NOL9: variants seen among roughly 807,000 people sequenced by gnomAD.
NOL9 encodes the protein polynucleotide 5'-hydroxyl-kinase NOL9.
A neutral mutation model predicts 67.9 loss-of-function variants in NOL9; 28 were observed. That is an observed-to-expected ratio of 0.41 (90% CI 0.31 to 0.57). NOL9 has a LOEUF of 0.57. Among genes scored for constraint, NOL9 ranks in the 20% least tolerant of loss-of-function variants. The probability of loss-of-function intolerance (pLI) is 0.25; values close to 1 mark genes in which losing one functional copy is unlikely to be tolerated. For missense variants in NOL9, 777 were observed against 897.0 expected (o/e 0.87, Z 1.71); for synonymous variants, 356 against 352.2 (o/e 1.01, Z -0.12).
rs143786113 is a variant in NOL9, at chr1:6,531,932, A to G, written c.1647+36T>C. On this transcript the variant is annotated intron_variant, in intron 9 of 11. Coordinates refer to ENST00000377705, the MANE Select transcript of NOL9 (RefSeq NM_024654.5). ...ACAGAAAACCACACAAGTGTGTAAC[A>G]AAATGAAGACAATTTCTCCTGTAAG... 8.7e-3 allele frequency: 13,447 copies of G among 1,546,542 alleles called. 86 individuals are homozygous for G. The highest frequency in any genetic ancestry group is 0.011 in the Non-Finnish European group (12,182 of 1,118,488).
At chr1:6,549,464 C>A in intron 3 of NOL9, 107 bp downstream of exon 3, 1 of 1,250,694 alleles carries the variant, frequency 8.0e-7, no homozygotes, top group South Asian at 1.4e-5. Flanking sequence ...GGACTGAGAG[C>A]ACTAGATAGA....
chr1:6,544,596 G>A (rs1398811499), intron 5 of NOL9, among the ~76,000 whole-genome samples: 1 of 119,608 alleles, frequency 8.4e-6, no homozygotes, highest in African/African-American at 3.3e-5. Flanking sequence ...CTGAGACCAA[G>A]TGTCTCCTCT....
chr1:6,544,226 CA>C (rs1384743860), intron 5 of NOL9, among the ~76,000 whole-genome samples: 1 of 151,698 alleles, frequency 6.6e-6, no homozygotes, highest in African/African-American at 2.4e-5. Context: ...AAGGCTGCAG[CA>C]AGCCCTGTTT....
intron 1 of NOL9, among the ~76,000 whole-genome samples, chr1:6,553,074 A>G (rs1295423445): frequency 6.6e-6 from 1 of 152,208 alleles, no homozygotes; most frequent in Non-Finnish European, 1.5e-5. Context: ...GGCTTCCCAA[A>G]GTGCCGGGAC....
At chr1:6,534,500 C>T (rs954836332) in intron 6 of NOL9, among the ~76,000 whole-genome samples, 9 of 152,084 alleles carry the variant, frequency 5.9e-5, no homozygotes, top group Non-Finnish European at 1.0e-4. Context: ...GCCACTCAAC[C>T]GTCAGAGTGG....
At chr1:6,549,417 C>G (rs1639492171) in intron 3 of NOL9, 154 bp downstream of exon 3, 3 of 796,290 alleles carry the variant, frequency 3.8e-6, no homozygotes, top group Non-Finnish European at 3.8e-6. Flanking sequence ...ATACACCTTT[C>G]TATAATAGTT....
rs956303154 is a variant in NOL9, at chr1:6,526,139, T to A, written c.1960-136A>T. 1.6e-5 allele frequency: 12 copies of A among 739,832 alleles called. No individual in the cohort carries two copies. The Admixed American group carries it at 2.0e-4, about 13-fold the overall frequency. 45.8% of individuals were successfully genotyped at this position (739,832 alleles called of 1,614,324 possible). ...GACTTCTCACTTTTAAGGCATTTGATCCCTTCCTTCAGAGCCCCCTTTAAT... is the reference window on the plus strand; with the variant it reads ...GACTTCTCACTTTTAAGGCATTTGAACCCTTCCTTCAGAGCCCCCTTTAAT... On this transcript the variant is annotated intron_variant, in intron 11 of 11. Transcript: ENST00000377705.
chr1:6,534,543 G>A lies in NOL9; in HGVS notation c.1076-1102C>T, dbSNP rs150010408. On this transcript the variant is annotated intron_variant, in intron 6 of 11. Transcript: ENST00000377705. ...GATGGGAGCTGCGAATTCAGCCAGCGAGGCTCCTTTCAAGGTTGGGGCCAG... is the reference window on the plus strand; with the variant it reads ...GATGGGAGCTGCGAATTCAGCCAGCAAGGCTCCTTTCAAGGTTGGGGCCAG... 1.6e-3 allele frequency among the ~76,000 whole-genome samples: 249 copies of A among 152,282 alleles called. 2 individuals carry two copies. The highest frequency in any genetic ancestry group is 0.014 in the Middle Eastern group (4 of 292).
rs991837638 is a variant in NOL9, at chr1:6,521,858, T to A, written c.*3996A>T. On this transcript the variant is annotated 3_prime_UTR_variant, in exon 12 of 12. Transcript: ENST00000377705. ...GACTGTGCTACATCTCTTATAGACA[T>A]GACTTCACTTACTCCTCACCCAGGA... 2 of 152,192 alleles carry A rather than the reference T, an allele frequency of 1.3e-5. No homozygotes were observed. Among genetic ancestry groups the A allele is most frequent in the Non-Finnish European group, 2.9e-5 (2 of 68,050 alleles). The allele number at this position is 152,192 out of a possible 1,614,324, so 9.4% of individuals were successfully genotyped here.
intron 6 of NOL9, among the ~76,000 whole-genome samples, chr1:6,540,592 G>A (rs1445793731): frequency 6.6e-6 from 1 of 152,186 alleles, no homozygotes; most frequent in African/African-American, 2.4e-5. Flanking sequence ...TTGGGAGTCA[G>A]AGGTGAGTAG....
At chr1:6,543,045 C>T (rs1337861926) in intron 5 of NOL9, among the ~76,000 whole-genome samples, 1 of 152,012 alleles carries the variant, frequency 6.6e-6, no homozygotes, top group Admixed American at 6.6e-5. Context: ...AGGCACATGC[C>T]ACCATGCCTG....
rs1287698159 is a variant in NOL9, at chr1:6,541,010, C to CTTTTTTTTTTTTTTTTTTTTTTTTTTTT, written c.1075+819_1075+820insAAAAAAAAAAAAAAAAAAAAAAAAAAAA. On this transcript the variant is annotated intron_variant, in intron 6 of 11. Transcript: ENST00000377705. The stretch of plus-strand genomic sequence containing the variant: ...ATAAAATCTGTAGACTGGTTAACAG[C>CTTTTTTTTTTTTTTTTTTTTTTTTTTTT]GTTTTTTTTTTTTTTTTTTTTTTTG... 4 of 123,092 alleles carry CTTTTTTTTTTTTTTTTTTTTTTTTTTTT rather than the reference C, an allele frequency of 3.2e-5. 2 individuals are homozygous for CTTTTTTTTTTTTTTTTTTTTTTTTTTTT. Among genetic ancestry groups the CTTTTTTTTTTTTTTTTTTTTTTTTTTTT allele is most frequent in the African/African-American group, 6.1e-5 (2 of 32,590 alleles). 7.6% of individuals were successfully genotyped at this position (123,092 alleles called of 1,614,324 possible).
chr1:6,536,377 TAA>T (rs1458255636), intron 6 of NOL9, among the ~76,000 whole-genome samples: 1 of 150,882 alleles, frequency 6.6e-6, no homozygotes, highest in Non-Finnish European at 1.5e-5. Context: ...AATAAAAAAA[TAA>T]AAGTTAGACA....
chr1:6,528,949 A>G lies in NOL9; in HGVS notation c.1825+45T>C. On this transcript the variant is annotated intron_variant, in intron 10 of 11. Coordinates refer to ENST00000377705, the MANE Select transcript of NOL9 (RefSeq NM_024654.5). The stretch of plus-strand genomic sequence containing the variant: ...CAGTCATCTACAGTTGAAGCAGTGG[A>G]TCCTTTTCAGTAGGTTTATGGATAT... 2.5e-6 allele frequency: 4 copies of G among 1,586,380 alleles called. No homozygotes were observed. In the South Asian group the frequency reaches 4.5e-5, roughly 18 times the overall value.
In NOL9 at chr1:6,554,319, A is replaced by G. The variant is rs756822542; in HGVS notation, c.184T>C (p.Trp62Arg). The G allele has an allele frequency of 2.0e-6, 3 of 1,473,686 alleles. No individual in the cohort carries two copies. Among genetic ancestry groups the G allele is most frequent in the South Asian group, 2.7e-5 (2 of 74,062 alleles). 91.3% of individuals were successfully genotyped at this position (1,473,686 alleles called of 1,614,324 possible). ...GACACCTGGCGGGCTCCCTCCCTCC[A>G]GTCCACGCCGGACGCCTGGGCTTGC... The part of the protein sequence containing the change: ...LLQAQASGVD[W>R]REGARQVSRA... The change falls in exon 1 of 12, where the codon TGG becomes CGG. Residue 62 changes from tryptophan (W) to arginine (R), a missense_variant. Transcript: ENST00000377705.
At chr1:6,553,823 C>T (rs1410841477) in intron 1 of NOL9, among the ~76,000 whole-genome samples, 1 of 148,744 alleles carries the variant, frequency 6.7e-6, no homozygotes, top group African/African-American at 2.5e-5. Context: ...GCCTGGGGGA[C>T]AGAGTGAGAC....
At chr1:6,552,427 G>A (rs1037042495) in intron 1 of NOL9, among the ~76,000 whole-genome samples, 3 of 152,058 alleles carry the variant, frequency 2.0e-5, no homozygotes, top group East Asian at 3.9e-4. Context: ...TTTTATGGCT[G>A]CAGCCTTTTA....
rs1639386927 is a variant in NOL9, at chr1:6,544,935, C to T, written c.881-13G>A. The T allele has an allele frequency of 6.2e-7, 1 of 1,614,074 alleles. No homozygotes were observed. Among genetic ancestry groups the T allele is most frequent in the Admixed American group, 1.7e-5 (1 of 59,992 alleles). Reference sequence around the variant, plus strand: ...CCATCTACTTCTTCTGAATGGGAAACAAACATTGATCGCTAGAATTAGCCG... The same window carrying T: ...CCATCTACTTCTTCTGAATGGGAAATAAACATTGATCGCTAGAATTAGCCG... On this transcript the variant is annotated splice_polypyrimidine_tract_variant and intron_variant, in intron 4 of 11. Transcript: ENST00000377705.
In NOL9 at chr1:6,549,691, C is replaced by T; in HGVS notation, c.624G>A (p.Arg208=). Residue 208 remains arginine (R), a synonymous_variant, in exon 3 of 12, where the codon AGG becomes AGA. Transcript: ENST00000377705. ...LLKSHLNLDD[R]RWSMQNFSPQ... ...GAGAAAAATTCTGCATCGACCAACGCCTGTCATCTGTAAAGAGAAAAATAA... is the reference window on the plus strand; with the variant it reads ...GAGAAAAATTCTGCATCGACCAACGTCTGTCATCTGTAAAGAGAAAAATAA... 1 of 1,613,906 alleles carries T rather than the reference C, an allele frequency of 6.2e-7. No individual in the cohort carries two copies. Among genetic ancestry groups the T allele is most frequent in the Non-Finnish European group, 8.5e-7 (1 of 1,179,964 alleles).
Sources: allele counts gnomAD v4.1 joint callset (sites outside exome capture counted in the v4.1 genomes callset), GRCh38; gene constraint gnomAD v4.1.1; transcripts MANE v1.5; gene names NCBI Gene and HGNC (gene_info 2026-07-23, HGNC 2026-07-21).